CHRNA4: variants seen among roughly 807,000 people sequenced by gnomAD.
CHRNA4 encodes the protein neuronal acetylcholine receptor subunit alpha-4.
Under a neutral mutation model 48.9 loss-of-function variants are expected in CHRNA4, and 28 were observed. The observed-to-expected ratio is 0.57, with a 90% CI of 0.42 to 0.79. The LOEUF (loss-of-function observed/expected upper bound fraction) is 0.79. Ranked by LOEUF, CHRNA4 falls within the 30% of genes least tolerant of loss-of-function variation. CHRNA4 has a pLI of 0.00. For synonymous variants in CHRNA4, 425 were observed against 402.3 expected, an observed-to-expected ratio of 1.06 and a Z score of -0.68; for missense variants, 859 against 898.4, an observed-to-expected ratio of 0.96 and a Z score of 0.56.
chr20:63,346,531 C>CG lies in CHRNA4; in HGVS notation c.*206_*207insC, dbSNP rs1419687603. 2.6e-6 allele frequency: 2 copies of CG among 765,702 alleles called. No individual in the cohort carries two copies. Among genetic ancestry groups the CG allele is most frequent in the Admixed American group, 2.0e-5 (1 of 49,568 alleles). 47.4% of individuals were successfully genotyped at this position (765,702 alleles called of 1,614,324 possible). ...GCCACTGCCTCCTGAGGCCACAGTC[C>CG]AACTGGAAGCAGCTCCACACTCGGT... On this transcript the variant is annotated 3_prime_UTR_variant, in exon 6 of 6. Transcript: ENST00000370263.
At position 63,360,995 on chromosome 20, in the gene CHRNA4, G is replaced by A. The variant is rs62206940; in HGVS notation, c.76+95C>T. On this transcript the variant is annotated intron_variant, in intron 1 of 5. Coordinates refer to ENST00000370263, the MANE Select transcript of CHRNA4 (RefSeq NM_000744.7). Reference sequence around the variant, plus strand: ...CCAGTCGCGCGCACCCGCGGCTTGGGACCGCAGTCAGGAGCCTGCCTCCCT... The same window carrying A: ...CCAGTCGCGCGCACCCGCGGCTTGGAACCGCAGTCAGGAGCCTGCCTCCCT... 52,377 of 1,075,560 alleles carry A rather than the reference G, an allele frequency of 0.049. 1,540 individuals carry two copies. Among genetic ancestry groups the A allele is most frequent in the Middle Eastern group, 0.084 (249 of 2,952 alleles). The allele number at this position is 1,075,560 out of a possible 1,614,324, so 66.6% of individuals were successfully genotyped here. A position where few individuals can be genotyped will look rare whatever the true frequency, so the allele number is the denominator to read the frequency against.
rs1467412706 is a variant in CHRNA4 at position 63,353,542 on chromosome 20, C to T, written c.383+2433G>A. On this transcript the variant is annotated intron_variant, in intron 4 of 5. Transcript: ENST00000370263. ...GGGGGGCTGTGGTCCTAGAGGGGGCCATGGTCCTGGAGGGGCTGTGGTCCT... is the reference window on the plus strand; with the variant it reads ...GGGGGGCTGTGGTCCTAGAGGGGGCTATGGTCCTGGAGGGGCTGTGGTCCT... 3.0e-4 allele frequency among the ~76,000 whole-genome samples: 14 copies of T among 46,070 alleles called. No homozygotes were observed. In the East Asian group the frequency reaches 5.7e-3, roughly 19 times the overall value. The allele number at this position is 46,070 out of a possible 152,430, so 30.2% of individuals were successfully genotyped here.
rs1390023002 is a variant in CHRNA4, at chr20:63,344,406, A to G, written c.*2332T>C. 6.6e-6 allele frequency: 3 copies of G among 453,414 alleles called. No individual in the cohort carries two copies. The highest frequency in any genetic ancestry group is 4.0e-5 in the African/African-American group (2 of 49,776). The allele number at this position is 453,414 out of a possible 1,614,324, so 28.1% of individuals were successfully genotyped here. A position where few individuals can be genotyped will look rare whatever the true frequency, so the allele number is the denominator to read the frequency against. ...TTTTACCTTAATTAATAAAAACAGC[A>G]CTGGACGCAAATACGCCAACATTGT... On this transcript the variant is annotated 3_prime_UTR_variant, in exon 6 of 6. Coordinates refer to ENST00000370263, the MANE Select transcript of CHRNA4 (RefSeq NM_000744.7). The surrounding 1 kb of genome is among the most constrained non-coding windows in gnomAD (Gnocchi z 4.5).
At position 63,350,115 on chromosome 20, in the gene CHRNA4, C is replaced by A. The variant is rs2068563901; in HGVS notation, c.1296G>T (p.Gln432His). ...TGGCTTTCTCAGCTTCCAGGGGCTG[C>A]TGAGGAGGGAGCTGGTCGGAGGGTG... is the stretch of plus-strand genomic sequence containing the variant. ...CKSPSDQLPP[Q>H]QPLEAEKASP... is the part of the protein sequence containing the mutation. Residue 432 changes from glutamine to histidine, a missense_variant, in exon 5 of 6, where the codon CAG (glutamine) becomes CAT (histidine). Transcript: ENST00000370263. 1 of 1,549,262 alleles carries A rather than the reference C, an allele frequency of 6.5e-7. No individual in the cohort carries two copies. The highest frequency in any genetic ancestry group is 1.9e-5 in the Admixed American group (1 of 53,172).
chr20:63,349,148 G>A (rs1032398019), intron 5 of CHRNA4, among the ~76,000 whole-genome samples: 13 of 152,090 alleles, frequency 8.5e-5, no homozygotes, highest in Non-Finnish European at 1.5e-4. Context: ...TCCCAGCTCC[G>A]TCCTCCTGCC....
Position 63,349,032 on chromosome 20 carries a change from C to T in CHRNA4, c.1758+621G>A, listed in dbSNP as rs373782125. ...GGGTAGGTGGGCTGGCCCCGGGCCCCGGGGGGCCTTAGCCGTGGGACCAGC... is the reference window on the plus strand; with the variant it reads ...GGGTAGGTGGGCTGGCCCCGGGCCCTGGGGGGCCTTAGCCGTGGGACCAGC... On this transcript the variant is annotated intron_variant, in intron 5 of 5. Transcript: ENST00000370263. 5.9e-4 allele frequency among the ~76,000 whole-genome samples: 90 copies of T among 152,166 alleles called. 1 individual carries two copies. The South Asian group carries it at 9.5e-3, about 16-fold the overall frequency.
intron 2 of CHRNA4, among the ~76,000 whole-genome samples, chr20:63,357,656 T>G (rs1295313273): frequency 1.8e-5 from 1 of 56,024 alleles, no homozygotes; most frequent in African/African-American, 3.4e-5. Context: ...CCCCAGCCCC[T>G]GGTGGGACGG....
intron 4 of CHRNA4, among the ~76,000 whole-genome samples, chr20:63,353,073 G>A (rs2068640526): frequency 6.6e-6 from 1 of 152,250 alleles, no homozygotes; most frequent in South Asian, 2.1e-4. Context: ...AGGCTGGCGT[G>A]AGACCCTCTG....
chr20:63,359,540 T>A lies in CHRNA4; in HGVS notation c.228+8A>T, dbSNP rs2068770864. On this transcript the variant is annotated splice_region_variant and intron_variant, in intron 2 of 5. Transcript: ENST00000370263. ...GTCACAGTGCACGATGGCCACGCCC[T>A]CACCTACCACGTCAATGAGCTGAGC... 2 of 1,612,510 alleles carry A rather than the reference T, an allele frequency of 1.2e-6. No individual in the cohort carries two copies. Among genetic ancestry groups the A allele is most frequent in the Non-Finnish European group, 1.7e-6 (2 of 1,179,860 alleles).
In CHRNA4 at chr20:63,349,946, T is replaced by C; in HGVS notation, c.1465A>G (p.Ile489Val). 6.3e-7 allele frequency: 1 copy of C among 1,582,526 alleles called. No individual in the cohort carries two copies. Among genetic ancestry groups the C allele is most frequent in the Non-Finnish European group, 8.6e-7 (1 of 1,163,946 alleles). Residue 489 changes from isoleucine (I) to valine (V), a missense_variant, in exon 5 of 6, where the codon ATC becomes GTC. Physicochemically the swap from Ile to Val is conservative, Grantham distance 29 (BLOSUM62 3). Around this residue, in one of 3 missense-constraint regions of CHRNA4, gnomAD observed 478 missense variants for 455.4 expected, o/e 1.05. Transcript: ENST00000370263. ...EGGVRCRSRS[I>V]QYCVPRDDAA... ...TCGTCTCGGGGAACACAGTACTGGATGCTCCGAGACCGGCACCGGACGCCG... is the reference window on the plus strand; with the variant it reads ...TCGTCTCGGGGAACACAGTACTGGACGCTCCGAGACCGGCACCGGACGCCG...
Position 63,344,290 on chromosome 20 carries a change from A to G in CHRNA4, c.*2448T>C, listed in dbSNP as rs2068449586. ...AATCCACGGTGCTTAAGTCAGAGCC[A>G]CAGATGGGGAGGGACGCCGACAGGA... On this transcript the variant is annotated 3_prime_UTR_variant, in exon 6 of 6. Coordinates refer to ENST00000370263, the MANE Select transcript of CHRNA4 (RefSeq NM_000744.7). This position sits in a 1 kb window ranked among gnomAD's most constrained non-coding sequence, Gnocchi z 4.5. 1 of 453,950 alleles carries G rather than the reference A, an allele frequency of 2.2e-6. No individual in the cohort carries two copies. Among genetic ancestry groups the G allele is most frequent in the Non-Finnish European group, 4.4e-6 (1 of 226,780 alleles). The allele number at this position is 453,950 out of a possible 1,614,324, so 28.1% of individuals were successfully genotyped here. A position where few individuals can be genotyped will look rare whatever the true frequency, so the allele number is the denominator to read the frequency against.
At chr20:63,356,763 C>G (rs941139638) in intron 2 of CHRNA4, among the ~76,000 whole-genome samples, 9 of 152,182 alleles carry the variant, frequency 5.9e-5, no homozygotes, top group Non-Finnish European at 1.0e-4. Flanking sequence ...GGGGCAGCCC[C>G]TCTGCAGACA....
rs2068555737 is a variant in CHRNA4 at position 63,349,854 on chromosome 20, C to T, written c.1557G>A (p.Glu519=). The change falls in exon 5 of 6, where the codon GAG becomes GAA. Residue 519 remains glutamate (E), a synonymous_variant. Transcript: ENST00000370263. ...GAGAGGGCTGGTCTGGGGGTGGGAG[C>T]TCAGCCGAGTGGGTGTTGCGAGAGG... ...ALASRNTHSA[E]LPPPDQPSPC... 1 of 1,595,618 alleles carries T rather than the reference C, an allele frequency of 6.3e-7. No homozygotes were observed. Among genetic ancestry groups the T allele is most frequent in the Non-Finnish European group, 8.6e-7 (1 of 1,169,038 alleles).
At chr20:63,354,502 G>T in intron 4 of CHRNA4, 1 of 838,054 alleles carries the variant, frequency 1.2e-6, no homozygotes, top group Non-Finnish European at 1.4e-6. Context: ...TGTGGTCCTA[G>T]AGGAACTGTG....
rs200132743 is a variant in CHRNA4, at chr20:63,344,537, G to A, written c.*2201C>T. On this transcript the variant is annotated 3_prime_UTR_variant, in exon 6 of 6. Coordinates refer to ENST00000370263, the MANE Select transcript of CHRNA4 (RefSeq NM_000744.7). The surrounding 1 kb of genome is among the most constrained non-coding windows in gnomAD (Gnocchi z 4.5). ...GAAAGGGGTCTTCCCCCAGGCAAGC[G>A]GCCACCCCCGGCAGGAGGGTCCCCC... The A allele has an allele frequency of 2.7e-5, 12 of 451,628 alleles. No homozygotes were observed. The highest frequency in any genetic ancestry group is 1.1e-4 in the South Asian group (7 of 64,344). 28.0% of individuals were successfully genotyped at this position (451,628 alleles called of 1,614,324 possible).
Position 63,349,366 on chromosome 20 carries a change from C to T in CHRNA4, c.1758+287G>A, listed in dbSNP as rs987305841. 3.2e-4 allele frequency among the ~76,000 whole-genome samples: 48 copies of T among 152,338 alleles called. 1 individual carries two copies. Among genetic ancestry groups the T allele is most frequent in the Admixed American group, 2.2e-3 (33 of 15,310 alleles). ...TGTGCTGGAAGGACGCTGCCTGTGG[C>T]CCCTCACCGTGCCGTCCGCCGAGGC... On this transcript the variant is annotated intron_variant, in intron 5 of 5. Transcript: ENST00000370263.
Position 63,350,595 on chromosome 20 carries a change from G to A in CHRNA4, c.816C>T (p.Gly272=), listed in dbSNP as rs981113016. ...CGGAGATGCACAGCGTGATCTTCTCGCCACACTCGGAGGGCAGGTAGAAGA... is the reference window on the plus strand; with the variant it reads ...CGGAGATGCACAGCGTGATCTTCTCACCACACTCGGAGGGCAGGTAGAAGA... The part of the protein sequence containing the change: ...VLVFYLPSEC[G]EKITLCISVL... The change falls in exon 5 of 6, where the codon GGC becomes GGT. Residue 272 remains glycine (G), a synonymous_variant. Coordinates refer to ENST00000370263, the MANE Select transcript of CHRNA4 (RefSeq NM_000744.7). 10 of 1,614,022 alleles carry A rather than the reference G, an allele frequency of 6.2e-6. No individual in the cohort carries two copies. Among genetic ancestry groups the A allele is most frequent in the South Asian group, 2.2e-5 (2 of 91,074 alleles).
Position 63,349,725 on chromosome 20 carries a change from C to G in CHRNA4, c.1686G>C (p.Pro562=). Residue 562 remains proline, a synonymous_variant, in exon 5 of 6, where the codon CCG becomes CCC. Transcript: ENST00000370263. ...CGCCCTCCACCGCCCGGGTCAGGGC[C>G]GGCGACAGGGGCAGGTGCGGGGGCG... The part of the protein sequence containing the change: ...KAPPPHLPLS[P]ALTRAVEGVQ... 1 of 1,612,792 alleles carries G rather than the reference C, an allele frequency of 6.2e-7. No homozygotes were observed.
Position 63,359,638 on chromosome 20 carries a change from G to A in CHRNA4, c.138C>T (p.Ser46=), listed in dbSNP as rs200705061. 76 of 1,612,622 alleles carry A rather than the reference G, an allele frequency of 4.7e-5. No individual in the cohort carries two copies. The highest frequency in any genetic ancestry group is 3.1e-4 in the East Asian group (14 of 44,882). The change falls in exon 2 of 6, where the codon TCC becomes TCT. Residue 46 remains serine, a synonymous_variant. Transcript: ENST00000370263. ...AEERLLKKLF[S]GYNKWSRPVA... ...CGGGTCGGGACCACTTGTTGTAACC[G>A]GAGAAGAGTTTCTTCAGGAGCCGCT...
Sources: gnomAD v4.1 joint callset for allele counts (sites outside exome capture counted in the v4.1 genomes callset) on GRCh38, gnomAD v4.1.1 for gene constraint, gnomAD v4.1.1 regional missense constraint, Gnocchi (gnomAD v3.1) non-coding constraint, MANE v1.5 for transcripts, NCBI Gene and HGNC (gene_info 2026-07-23, HGNC 2026-07-21) for gene names.